The following LCOR variants were observed in gnomAD, a reference collection of about 807,000 sequenced individuals.
LCOR encodes the protein ligand dependent nuclear receptor corepressor, also known as ligand-dependent corepressor.
A neutral mutation model predicts 64.4 loss-of-function variants in LCOR; 14 were observed. The observed-to-expected ratio is 0.22, with a 90% CI of 0.14 to 0.34. The LOEUF (loss-of-function observed/expected upper bound fraction) is 0.34, where lower values mean the gene tolerates loss of function less well. Among genes scored for constraint, LCOR ranks in the 10% least tolerant of loss-of-function variants. LCOR has a pLI of 1.00. For missense variants in LCOR, 1,686 were observed against 1,765.3 expected (o/e 0.96, Z 0.80); for synonymous variants, 643 against 642.5 (o/e 1.00, Z -0.01).
At position 96,994,140 on chromosome 10, in the gene LCOR, T is replaced by A. The variant is rs1196939798; in HGVS notation, c.*9006T>A. On this transcript the variant is annotated 3_prime_UTR_variant, in exon 8 of 8. Coordinates refer to ENST00000421806, the MANE Select transcript of LCOR (RefSeq NM_001346516.2). ...AATTTATAGGGTTTCCAGAATCTAG[T>A]TGAGGCAAAGCTCATTTGGCTATAG... 6.6e-6 allele frequency: 1 copy of A among 152,200 alleles called. No individual in the cohort carries two copies. Among genetic ancestry groups the A allele is most frequent in the African/African-American group, 2.4e-5 (1 of 41,460 alleles). The allele number at this position is 152,200 out of a possible 1,614,324, so 9.4% of individuals were successfully genotyped here.
At chr10:96,948,264 C>T (rs1847621137) in intron 5 of LCOR, among the ~76,000 whole-genome samples, 1 of 151,946 alleles carries the variant, frequency 6.6e-6, no homozygotes, top group African/African-American at 2.4e-5. Context: ...TTAAAGTACT[C>T]CTGGAAAATA....
intron 2 of LCOR, among the ~76,000 whole-genome samples, chr10:96,846,143 G>T (rs1845625345): frequency 1.3e-5 from 2 of 152,076 alleles, no homozygotes; most frequent in Admixed American, 6.5e-5. Flanking sequence ...GGAGGTGGAG[G>T]TTGCAGTGAG....
At chr10:96,838,824 A>G (rs997369790) in intron 2 of LCOR, among the ~76,000 whole-genome samples, 1 of 152,154 alleles carries the variant, frequency 6.6e-6, no homozygotes, top group African/African-American at 2.4e-5. Flanking sequence ...ATTTGTTTTT[A>G]GTTCACTTGA....
chr10:96,876,282 A>G (rs1408384511), intron 2 of LCOR, among the ~76,000 whole-genome samples: 1 of 152,154 alleles, frequency 6.6e-6, no homozygotes, highest in African/African-American at 2.4e-5. Context: ...CCCCTTCTTA[A>G]AAGCCCCTAT....
chr10:96,834,944 G>T (rs7894418), intron 2 of LCOR, among the ~76,000 whole-genome samples: 2 of 151,912 alleles, frequency 1.3e-5, no homozygotes, highest in Admixed American at 6.6e-5. Flanking sequence ...TCTTTTGCCC[G>T]GGCTGGAGTG....
intron 2 of LCOR, among the ~76,000 whole-genome samples, chr10:96,890,049 T>C (rs1846412214): frequency 6.6e-6 from 1 of 152,188 alleles, no homozygotes; most frequent in Non-Finnish European, 1.5e-5. Flanking sequence ...CTCCCATTTC[T>C]TCACTTCCTT....
chr10:96,935,547 A>T (rs979752702), intron 4 of LCOR, among the ~76,000 whole-genome samples: 3 of 148,620 alleles, frequency 2.0e-5, no homozygotes, highest in Admixed American at 6.6e-5. Context: ...TTACAAACAG[A>T]ATTCCAGCAG....
intron 4 of LCOR, among the ~76,000 whole-genome samples, chr10:96,918,792 C>T (rs2134468702): frequency 6.6e-6 from 1 of 152,296 alleles, no homozygotes; most frequent in East Asian, 1.9e-4. Flanking sequence ...GGCCAACTGA[C>T]TTTGCCCTCA....
chr10:96,856,082 T>TG (rs2134385409), intron 2 of LCOR, among the ~76,000 whole-genome samples: 1 of 151,552 alleles, frequency 6.6e-6, no homozygotes, highest in African/African-American at 2.4e-5. Context: ...TTATTTAGTT[T>TG]TTTTTTGAGA....
intron 4 of LCOR, among the ~76,000 whole-genome samples, chr10:96,916,815 A>G (rs1335785120): frequency 1.3e-5 from 2 of 152,010 alleles, no homozygotes; most frequent in African/African-American, 4.8e-5. Flanking sequence ...GGGTTTCACC[A>G]TGTTGGTCGG....
At chr10:96,931,269 T>A (rs1468132057) in intron 4 of LCOR, among the ~76,000 whole-genome samples, 1 of 151,526 alleles carries the variant, frequency 6.6e-6, no homozygotes, top group East Asian at 1.9e-4. Context: ...AGTCTTGCTC[T>A]GTTTCCCAGG....
In LCOR at chr10:96,993,931, G is replaced by A. The variant is rs1383146076; in HGVS notation, c.*8797G>A. 6.6e-6 allele frequency: 1 copy of A among 151,952 alleles called. No individual in the cohort carries two copies. Among genetic ancestry groups the A allele is most frequent in the Non-Finnish European group, 1.5e-5 (1 of 67,994 alleles). The allele number at this position is 151,952 out of a possible 1,614,324, so 9.4% of individuals were successfully genotyped here. ...GGCCCTTGTCTCAGAGGATAGGGTG[G>A]GGGTAGAACAGCTCTTGCTAAGACC... On this transcript the variant is annotated 3_prime_UTR_variant, in exon 8 of 8. Coordinates refer to ENST00000421806, the MANE Select transcript of LCOR (RefSeq NM_001346516.2).
At chr10:96,891,722 T>C (rs1753042480) in intron 2 of LCOR, among the ~76,000 whole-genome samples, 1 of 151,760 alleles carries the variant, frequency 6.6e-6, no homozygotes, top group Non-Finnish European at 1.5e-5. Flanking sequence ...TTTGTATTTT[T>C]AGTTAGAGAC....
At chr10:96,898,376 A>T (rs1350330347) in intron 2 of LCOR, among the ~76,000 whole-genome samples, 1 of 152,194 alleles carries the variant, frequency 6.6e-6, no homozygotes, top group Non-Finnish European at 1.5e-5. Flanking sequence ...AGAATATGGT[A>T]GCAGGAGAGA....
intron 2 of LCOR, among the ~76,000 whole-genome samples, chr10:96,870,841 G>A (rs993096728): frequency 3.3e-5 from 5 of 152,174 alleles, no homozygotes; most frequent in Admixed American, 1.3e-4. Context: ...AGCTAGAGAT[G>A]TACAAAAGCT....
chr10:96,967,208 T>G (rs1285286497), intron 7 of LCOR, among the ~76,000 whole-genome samples: 1 of 152,182 alleles, frequency 6.6e-6, no homozygotes, highest in Non-Finnish European at 1.5e-5. Context: ...CGGCTCACTG[T>G]AACCTCCACT....
intron 1 of LCOR, 97 bp from the exon 2 acceptor site, chr10:96,833,309 G>C (rs947133895): frequency 2.7e-4 from 253 of 952,470 alleles, no homozygotes; most frequent in Non-Finnish European, 3.1e-4. Flanking sequence ...TTTTCCCTGC[G>C]GGCCGGAGGG....
At chr10:96,943,491 A>G (rs539026739) in intron 4 of LCOR, among the ~76,000 whole-genome samples, 10 of 152,316 alleles carry the variant, frequency 6.6e-5, no homozygotes, top group Non-Finnish European at 1.0e-4. Context: ...AGTGCATTCT[A>G]TTTTTCAGTT....
At chr10:96,930,069 T>C (rs1847231354) in intron 4 of LCOR, among the ~76,000 whole-genome samples, 2 of 152,296 alleles carry the variant, frequency 1.3e-5, no homozygotes, top group East Asian at 1.9e-4. Context: ...GATTGAAATA[T>C]TGCAAATATT....
Sources: allele counts gnomAD v4.1 joint callset (sites outside exome capture counted in the v4.1 genomes callset), GRCh38; gene constraint gnomAD v4.1.1; transcripts MANE v1.5; gene names NCBI Gene and HGNC (gene_info 2026-07-23, HGNC 2026-07-21).